ZMYM2: variants seen among roughly 807,000 people sequenced by gnomAD.
ZMYM2 encodes zinc finger MYM-type containing 2.
ZMYM2 carries 56 observed loss-of-function variants against 162.8 expected under a neutral mutation model. The ratio of observed to expected loss-of-function variants is 0.34; its 90% CI spans 0.28 to 0.43. The LOEUF is 0.43. Ranked by LOEUF, ZMYM2 falls within the 20% of genes least tolerant of loss-of-function variation. The probability of loss-of-function intolerance (pLI) is 1.00; values close to 1 mark genes in which losing one functional copy is unlikely to be tolerated. For missense variants in ZMYM2, 1,275 were observed against 1,621.8 expected, an observed-to-expected ratio of 0.79 and a Z score of 3.67; for synonymous variants, 510 against 541.6, an observed-to-expected ratio of 0.94 and a Z score of 0.81.
intron 15 of ZMYM2, among the ~76,000 whole-genome samples, chr13:20,059,160 G>A (rs1024993426): frequency 2.6e-5 from 4 of 151,782 alleles, no homozygotes; most frequent in Admixed American, 6.6e-5. Flanking sequence ...AGGTTGTTGA[G>A]GAGAGTATGG....
chr13:20,054,076 C>T (rs1329483035), intron 14 of ZMYM2, among the ~76,000 whole-genome samples: 1 of 152,206 alleles, frequency 6.6e-6, no homozygotes, highest in African/African-American at 2.4e-5. Context: ...AGTAAGGCTG[C>T]CATTGCAGCT....
chr13:19,875,626 C>CA, the ZMYM2 span, among the ~76,000 whole-genome samples: 651 of 54,850 alleles, frequency 0.012, 36 homozygotes, highest in African/African-American at 0.044. Flanking sequence ...GACTCCATCG[C>CA]AAAAAAAAAA....
At chr13:19,908,502 C>T in the ZMYM2 span, among the ~76,000 whole-genome samples, 1 of 152,274 alleles carries the variant, frequency 6.6e-6, no homozygotes, top group East Asian at 1.9e-4. Context: ...GTTGCTCTGG[C>T]TGTGAAATTA....
the ZMYM2 span, among the ~76,000 whole-genome samples, chr13:19,947,947 G>C: frequency 2.0e-5 from 3 of 149,402 alleles, no homozygotes; most frequent in Non-Finnish European, 4.4e-5. Flanking sequence ...AAAAAAATTA[G>C]CAAGACCTAA....
At chr13:20,015,995 A>G (rs1951593698) in intron 6 of ZMYM2, among the ~76,000 whole-genome samples, 1 of 152,070 alleles carries the variant, frequency 6.6e-6, no homozygotes, top group African/African-American at 2.4e-5. Context: ...AATTTGATCC[A>G]TGTACATTTA....
At chr13:19,891,384 G>A in the ZMYM2 span, among the ~76,000 whole-genome samples, 2 of 151,284 alleles carry the variant, frequency 1.3e-5, no homozygotes, top group East Asian at 1.9e-4. Context: ...ATGAGAAAAC[G>A]AATTTCTATT....
At chr13:19,996,408 C>A (rs988176586) in intron 3 of ZMYM2, among the ~76,000 whole-genome samples, 1 of 151,844 alleles carries the variant, frequency 6.6e-6, no homozygotes, top group African/African-American at 2.4e-5. Context: ...CAGAGCAAGA[C>A]CTTGTCTCTA....
the ZMYM2 span, among the ~76,000 whole-genome samples, chr13:19,942,965 A>G: frequency 2.0e-5 from 3 of 152,198 alleles, no homozygotes; most frequent in Admixed American, 2.0e-4. Flanking sequence ...CTGCCATCAC[A>G]TTATACTGCA....
At chr13:19,940,538 G>GA in the ZMYM2 span, among the ~76,000 whole-genome samples, 1 of 152,130 alleles carries the variant, frequency 6.6e-6, no homozygotes, top group Admixed American at 6.5e-5. Flanking sequence ...GATTTTTCCT[G>GA]AAAACAACAA....
chr13:19,920,048 A>G, the ZMYM2 span, among the ~76,000 whole-genome samples: 50 of 152,266 alleles, frequency 3.3e-4, 1 homozygote, highest in African/African-American at 1.1e-3. Context: ...GGCTCAAGCA[A>G]TCCTCTAGCC....
chr13:20,071,309 C>T (rs1566452575), intron 21 of ZMYM2, among the ~76,000 whole-genome samples: 1 of 152,142 alleles, frequency 6.6e-6, no homozygotes, highest in Non-Finnish European at 1.5e-5. Context: ...TGTTAATTGT[C>T]CAGGTTCTTG....
rs61762995 is a variant in ZMYM2 at position 19,993,767 on chromosome 13, T to C, written c.695T>C (p.Leu232Pro). 2 of 1,614,194 alleles carry C rather than the reference T, an allele frequency of 1.2e-6. No homozygotes were observed. Among genetic ancestry groups the C allele is most frequent in the Admixed American group, 1.7e-5 (1 of 60,028 alleles). Residue 232 changes from leucine (L) to proline (P), a missense_variant, in exon 3 of 25, where the codon CTG becomes CCG. Coordinates refer to ENST00000610343, the MANE Select transcript of ZMYM2 (RefSeq NM_197968.4). ...NTNLGDVSNG[L>P]QSSNFGVNIQ... Reference sequence around the variant, plus strand: ...AACTTGGGAGATGTCTCTAACGGACTGCAGTCAAGTAATTTTGGTGTTAAT... The same window carrying C: ...AACTTGGGAGATGTCTCTAACGGACCGCAGTCAAGTAATTTTGGTGTTAAT...
chr13:19,923,191 C>CAA, the ZMYM2 span, among the ~76,000 whole-genome samples: 27,913 of 125,172 alleles, frequency 0.22, 3,403 homozygotes, highest in Admixed American at 0.28. Flanking sequence ...ACTAAATATA[C>CAA]AAAAAAAAAA....
chr13:20,041,680 T>G (rs1229683006), intron 12 of ZMYM2, among the ~76,000 whole-genome samples: 1 of 152,180 alleles, frequency 6.6e-6, no homozygotes, highest in Middle Eastern at 3.2e-3. Flanking sequence ...TTGTAGTGGT[T>G]GTTAATGGTC....
At chr13:19,975,730 T>G (rs993201878) in intron 2 of ZMYM2, among the ~76,000 whole-genome samples, 2 of 152,238 alleles carry the variant, frequency 1.3e-5, no homozygotes, top group Non-Finnish European at 2.9e-5. Context: ...CATGTGACTT[T>G]GGGGAACCAT....
At chr13:19,923,119 C>A in the ZMYM2 span, among the ~76,000 whole-genome samples, 1 of 149,754 alleles carries the variant, frequency 6.7e-6, no homozygotes, top group Admixed American at 6.7e-5. Context: ...GCGGGGGGAT[C>A]GCCTGAGGTC....
At chr13:19,957,493 G>A (rs900349593), upstream of ZMYM2, among the ~76,000 whole-genome samples, 20 of 152,212 alleles carry the variant, frequency 1.3e-4, no homozygotes, top group African/African-American at 4.8e-4. Context: ...CGCCGAAGAC[G>A]TAGGTGTAGA....
At chr13:20,077,079 C>T (rs967883713) in intron 21 of ZMYM2, among the ~76,000 whole-genome samples, 6 of 150,266 alleles carry the variant, frequency 4.0e-5, no homozygotes, top group East Asian at 3.8e-4. Context: ...TGAGCCACCA[C>T]GCCTGGCCTC....
At chr13:19,883,455 C>T in the ZMYM2 span, among the ~76,000 whole-genome samples, 1 of 152,166 alleles carries the variant, frequency 6.6e-6, no homozygotes, top group Non-Finnish European at 1.5e-5. Context: ...GCGAAAACTT[C>T]GGGATATCTG....
Sources: allele counts gnomAD v4.1 joint callset (sites outside exome capture counted in the v4.1 genomes callset), GRCh38; gene constraint gnomAD v4.1.1; transcripts MANE v1.5; gene names NCBI Gene and HGNC (gene_info 2026-07-23, HGNC 2026-07-21).